Variants in DCAF6 observed in about 807,000 individuals in gnomAD.
DCAF6 encodes the protein DDB1- and CUL4-associated factor 6.
DCAF6 carries 54 observed loss-of-function variants against 125.1 expected under a neutral mutation model. That is an observed-to-expected ratio of 0.43 (90% CI 0.35 to 0.54). The LOEUF (loss-of-function observed/expected upper bound fraction) is 0.54, where lower values mean the gene tolerates loss of function less well. Among genes scored for constraint, DCAF6 ranks in the 20% least tolerant of loss-of-function variants. DCAF6 has a pLI of 0.01. For synonymous variants in DCAF6, 371 were observed against 390.4 expected (o/e 0.95, Z 0.58); for missense variants, 934 against 1,161.7 (o/e 0.80, Z 2.85).
At chr1:167,869,983 T>C in the DCAF6 span, among the ~76,000 whole-genome samples, 1 of 152,188 alleles carries the variant, frequency 6.6e-6, no homozygotes, top group Non-Finnish European at 1.5e-5. Flanking sequence ...TGCCAATTGT[T>C]CTCGATCTGT....
intron 10 of DCAF6, among the ~76,000 whole-genome samples, chr1:168,005,373 C>T (rs759152451): frequency 1.6e-4 from 24 of 151,928 alleles, no homozygotes; most frequent in East Asian, 3.8e-4. Context: ...ATAACCTCTA[C>T]GTTCTGTTAA....
At chr1:167,871,273 A>C in the DCAF6 span, among the ~76,000 whole-genome samples, 1 of 152,210 alleles carries the variant, frequency 6.6e-6, no homozygotes, top group Non-Finnish European at 1.5e-5. Context: ...AAAAAGCATT[A>C]CCAGGGATAA....
chr1:168,068,907 A>G (rs967089305), intron 21 of DCAF6, among the ~76,000 whole-genome samples: 3 of 152,192 alleles, frequency 2.0e-5, no homozygotes, highest in Non-Finnish European at 2.9e-5. Flanking sequence ...ATAAAAATGC[A>G]TATATTACAA....
chr1:167,905,876 T>G, the DCAF6 span, among the ~76,000 whole-genome samples: 3 of 152,236 alleles, frequency 2.0e-5, no homozygotes, highest in Admixed American at 1.3e-4. Context: ...TTCCTGTAGC[T>G]GCTGGGGCAG....
Position 168,038,359 on chromosome 1 carries a change from C to T in DCAF6, c.1610-12C>T. 6.3e-7 allele frequency: 1 copy of T among 1,588,582 alleles called. No individual in the cohort carries two copies. The highest frequency in any genetic ancestry group is 8.6e-7 in the Non-Finnish European group (1 of 1,165,664). On this transcript the variant is annotated splice_polypyrimidine_tract_variant and intron_variant, in intron 12 of 21. Coordinates refer to ENST00000367840, the MANE Select transcript of DCAF6 (RefSeq NM_001198956.2). ...CAGAGACTTTTTCAAATGTTTTAAA[C>T]ACAATTTTCAGATAACAATAATGAA... is the stretch of plus-strand genomic sequence containing the variant.
Position 168,009,372 on chromosome 1 carries a change from TTC to T in DCAF6, c.1378+4580_1378+4581del, listed in dbSNP as rs1557970981. On this transcript the variant is annotated intron_variant, in intron 10 of 21. Coordinates refer to ENST00000367840, the MANE Select transcript of DCAF6 (RefSeq NM_001198956.2). ...CTTCCTTCCTTCCTTCCTTCCTTCCTTCCTTCCTTCCTTCCTTTCTTTCTTTC... is the reference window on the plus strand; with the variant it reads ...CTTCCTTCCTTCCTTCCTTCCTTCCTCTTCCTTCCTTCCTTTCTTTCTTTC... Among the ~76,000 whole-genome samples the T allele has an allele frequency of 1.9e-3, 277 of 142,754 alleles. 1 individual carries two copies. The highest frequency in any genetic ancestry group is 7.6e-3 in the African/African-American group (265 of 34,954). 93.7% of individuals were successfully genotyped at this position (142,754 alleles called of 152,430 possible). A position where few individuals can be genotyped will look rare whatever the true frequency, so the allele number is the denominator to read the frequency against.
intron 2 of DCAF6, among the ~76,000 whole-genome samples, chr1:167,956,721 T>C (rs1458051736): frequency 6.6e-6 from 1 of 152,162 alleles, no homozygotes; most frequent in Admixed American, 6.5e-5. Context: ...CTTCTAAATA[T>C]TGTTTTAGCT....
chr1:167,962,090 A>G (rs531518968), intron 2 of DCAF6, among the ~76,000 whole-genome samples: 1 of 152,262 alleles, frequency 6.6e-6, no homozygotes, highest in African/African-American at 2.4e-5. Flanking sequence ...TAAATTTGAT[A>G]AAGTGTATTT....
the DCAF6 span, among the ~76,000 whole-genome samples, chr1:167,888,875 C>CAAAAAAAAAAA: frequency 2.1e-5 from 2 of 94,148 alleles, 1 homozygote; most frequent in Non-Finnish European, 4.1e-5. Flanking sequence ...GACTCCGTCT[C>CAAAAAAAAAAA]AAAAAAAAAA....
chr1:167,929,493 T>C, the DCAF6 span, among the ~76,000 whole-genome samples: 1 of 152,236 alleles, frequency 6.6e-6, no homozygotes, highest in African/African-American at 2.4e-5. Context: ...AATTCTAACT[T>C]TTCATAGAAT....
chr1:167,920,063 A>T, the DCAF6 span: 1 of 1,613,228 alleles, frequency 6.2e-7, no homozygotes, highest in Non-Finnish European at 8.5e-7. Context: ...TGGAATAATT[A>T]CAAGTGAGTA....
At chr1:167,935,880 G>A, upstream of DCAF6, 1 of 1,468,596 alleles carries the variant, frequency 6.8e-7, no homozygotes, top group Non-Finnish European at 9.3e-7. Context: ...TGGGAGCGTG[G>A]CTGTGTTCTC....
chr1:167,867,234 G>A, the DCAF6 span, among the ~76,000 whole-genome samples: 2 of 152,324 alleles, frequency 1.3e-5, no homozygotes, highest in African/African-American at 4.8e-5. Context: ...GGAGCTGTAC[G>A]TGGATGGGAG....
Position 167,993,536 on chromosome 1 carries a change from G to A in DCAF6, c.903+96G>A, listed in dbSNP as rs1189961036. ...AGGCCGAGGTGGGTGGATCACCTGC[G>A]GTTGGGAGTTTGCAACCAGCCTGAC... On this transcript the variant is annotated intron_variant, in intron 7 of 21. Coordinates refer to ENST00000367840, the MANE Select transcript of DCAF6 (RefSeq NM_001198956.2). The A allele has an allele frequency of 2.5e-5, 25 of 980,616 alleles. No homozygotes were observed. The Admixed American group carries it at 4.1e-4, about 16-fold the overall frequency. The allele number at this position is 980,616 out of a possible 1,614,324, so 60.7% of individuals were successfully genotyped here.
rs576778198 is a variant in DCAF6 at position 168,003,139 on chromosome 1, C to T, written c.997+564C>T. Among the ~76,000 whole-genome samples the T allele has an allele frequency of 2.6e-5, 4 of 152,032 alleles. No homozygotes were observed. In the East Asian group the frequency reaches 7.7e-4, roughly 29 times the overall value. ...TCTCTTGTGATCAAAAGCATATTCC[C>T]CAATATATGAGCTACATTATATAAA... On this transcript the variant is annotated intron_variant, in intron 8 of 21. Coordinates refer to ENST00000367840, the MANE Select transcript of DCAF6 (RefSeq NM_001198956.2).
intron 2 of DCAF6, among the ~76,000 whole-genome samples, chr1:167,962,963 A>G (rs1675845710): frequency 6.6e-6 from 1 of 151,886 alleles, no homozygotes; most frequent in Non-Finnish European, 1.5e-5. Flanking sequence ...TCAAAAAACA[A>G]ACAAACAAAA....
chr1:167,867,539 C>T, the DCAF6 span, among the ~76,000 whole-genome samples: 2 of 152,170 alleles, frequency 1.3e-5, no homozygotes, highest in Non-Finnish European at 2.9e-5. Flanking sequence ...TAATGCTATT[C>T]TATCCAAGGT....
rs548538118 is a variant in DCAF6 at position 168,037,183 on chromosome 1, G to A, written c.1610-1188G>A. ...GGGCTTAAGGGTTCCTCCCACCACT[G>A]AGCCCCGCTGAGATTCTCTTAATGT... is the stretch of plus-strand genomic sequence containing the variant. On this transcript the variant is annotated intron_variant, in intron 12 of 21. Transcript: ENST00000367840. 5.6e-5 allele frequency among the ~76,000 whole-genome samples: 8 copies of A among 143,336 alleles called. No individual in the cohort carries two copies. The South Asian group carries it at 1.1e-3, about 20-fold the overall frequency. 94.0% of individuals were successfully genotyped at this position (143,336 alleles called of 152,430 possible).
chr1:167,890,503 G>T, the DCAF6 span, among the ~76,000 whole-genome samples: 2 of 152,184 alleles, frequency 1.3e-5, no homozygotes, highest in Non-Finnish European at 2.9e-5. Context: ...CACTGGGTCA[G>T]ACCTGAAGCT....
Sources: gnomAD v4.1 joint callset for allele counts (sites outside exome capture counted in the v4.1 genomes callset) on GRCh38, gnomAD v4.1.1 for gene constraint, MANE v1.5 for transcripts, NCBI Gene and HGNC (gene_info 2026-07-23, HGNC 2026-07-21) for gene names.